PRKG1: variants seen among roughly 807,000 people sequenced by gnomAD.
PRKG1 encodes the protein cGMP-dependent protein kinase 1.
A neutral mutation model predicts 88.1 loss-of-function variants in PRKG1; 35 were observed. The observed-to-expected ratio is 0.40, with a 90% CI of 0.30 to 0.53. The LOEUF (loss-of-function observed/expected upper bound fraction) is 0.53. Ranked by LOEUF, PRKG1 falls within the 20% of genes least tolerant of loss-of-function variation. The pLI is 0.59. For synonymous variants in PRKG1, 303 were observed against 292.5 expected, an observed-to-expected ratio of 1.04 and a Z score of -0.37; for missense variants, 540 against 839.8, an observed-to-expected ratio of 0.64 and a Z score of 4.41.
chr10:52,048,315 T>G (rs1273519916), intron 5 of PRKG1, among the ~76,000 whole-genome samples: 1 of 152,152 alleles, frequency 6.6e-6, no homozygotes, highest in African/African-American at 2.4e-5. Context: ...GATGTAATCT[T>G]GGGCTGAAAT....
chr10:52,196,447 G>A (rs1839509951), intron 9 of PRKG1, among the ~76,000 whole-genome samples: 1 of 152,104 alleles, frequency 6.6e-6, no homozygotes, highest in Non-Finnish European at 1.5e-5. Context: ...ACACATGAGA[G>A]GAAAAGAATG....
intron 5 of PRKG1, among the ~76,000 whole-genome samples, chr10:51,953,916 T>C (rs779150546): frequency 1.2e-4 from 19 of 152,160 alleles, no homozygotes; most frequent in Non-Finnish European, 1.9e-4. Flanking sequence ...AATTGCCCCT[T>C]TTATCTTCTG....
At chr10:51,083,752 G>T (rs2131853731) in intron 1 of PRKG1, among the ~76,000 whole-genome samples, 1 of 152,166 alleles carries the variant, frequency 6.6e-6, no homozygotes, top group South Asian at 2.1e-4. Flanking sequence ...GACTTCCAGG[G>T]GAAATGAGAA....
intron 1 of PRKG1, among the ~76,000 whole-genome samples, chr10:51,118,535 T>C (rs1191355706): frequency 1.3e-5 from 2 of 152,186 alleles, no homozygotes; most frequent in Non-Finnish European, 2.9e-5. Flanking sequence ...ATAGTACTTT[T>C]ATCTGTGCCA....
rs71029366 is a variant in PRKG1 at position 51,381,256 on chromosome 10, T to TAAAAAAAAAA, written c.479-86432_479-86423dup. Among the ~76,000 whole-genome samples the TAAAAAAAAAA allele has an allele frequency of 4.1e-4, 13 of 32,058 alleles. 1 individual carries two copies. Among genetic ancestry groups the TAAAAAAAAAA allele is most frequent in the Admixed American group, 1.3e-3 (2 of 1,590 alleles). The allele number at this position is 32,058 out of a possible 152,430, so 21.0% of individuals were successfully genotyped here. ...TGGGCAACAGAGCAAGCCTCCATCT[T>TAAAAAAAAAA]AAAAAAAAAAAAAAAAAAAAAAAAA... On this transcript the variant is annotated intron_variant, in intron 2 of 17. Transcript: ENST00000373980.
chr10:51,885,010 A>G (rs1196807564), intron 4 of PRKG1, among the ~76,000 whole-genome samples: 1 of 152,230 alleles, frequency 6.6e-6, no homozygotes, highest in Non-Finnish European at 1.5e-5. Flanking sequence ...GCTATAAGGA[A>G]TAGACCCTTG....
chr10:52,259,121 C>CAA (rs57994383), intron 10 of PRKG1, among the ~76,000 whole-genome samples: 37 of 98,972 alleles, frequency 3.7e-4, no homozygotes, highest in South Asian at 9.4e-4. Flanking sequence ...TTAGACTTGC[C>CAA]AAAAAAAAAA....
At chr10:51,544,072 A>G (rs1362968816) in intron 3 of PRKG1, among the ~76,000 whole-genome samples, 1 of 152,052 alleles carries the variant, frequency 6.6e-6, no homozygotes, top group Non-Finnish European at 1.5e-5. Flanking sequence ...TTTAAATTAT[A>G]CTTTAAGTTC....
At chr10:51,674,584 C>T (rs1404795818) in intron 3 of PRKG1, among the ~76,000 whole-genome samples, 2 of 152,120 alleles carry the variant, frequency 1.3e-5, no homozygotes, top group Non-Finnish European at 2.9e-5. Flanking sequence ...TGGTGAATCA[C>T]AAGCAGTATT....
chr10:51,374,683 A>G (rs1346088935), intron 2 of PRKG1, among the ~76,000 whole-genome samples: 1 of 152,152 alleles, frequency 6.6e-6, no homozygotes, highest in Non-Finnish European at 1.5e-5. Context: ...CCCTCACCAG[A>G]CAATTGAACC....
At chr10:51,722,619 C>A (rs759383470) in intron 3 of PRKG1, among the ~76,000 whole-genome samples, 5 of 152,050 alleles carry the variant, frequency 3.3e-5, no homozygotes, top group Non-Finnish European at 2.9e-5. Flanking sequence ...AATATTTCAC[C>A]TCTATGGCAA....
intron 9 of PRKG1, chr10:52,185,041 T>G (rs1456024517): frequency 6.6e-6 from 1 of 152,206 alleles, no homozygotes; most frequent in Non-Finnish European, 1.5e-5. Context: ...CTAAATCTTA[T>G]GTCCTCACAT....
At chr10:51,792,985 C>T (rs944514524) in intron 3 of PRKG1, among the ~76,000 whole-genome samples, 8 of 151,630 alleles carry the variant, frequency 5.3e-5, no homozygotes, top group African/African-American at 1.9e-4. Context: ...CCAGACATTG[C>T]TGTATAACCA....
intron 5 of PRKG1, among the ~76,000 whole-genome samples, chr10:52,041,859 G>C (rs1418723075): frequency 2.0e-5 from 3 of 151,960 alleles, no homozygotes; most frequent in African/African-American, 7.2e-5. Flanking sequence ...TAAAATTTCA[G>C]TATACAAAAT....
At chr10:51,139,676 T>C (rs1845776566) in intron 1 of PRKG1, among the ~76,000 whole-genome samples, 1 of 152,192 alleles carries the variant, frequency 6.6e-6, no homozygotes, top group Non-Finnish European at 1.5e-5. Context: ...ACTTGCAAAA[T>C]ATACTTTCAA....
At chr10:51,515,823 G>A (rs1841564377) in intron 3 of PRKG1, among the ~76,000 whole-genome samples, 1 of 152,124 alleles carries the variant, frequency 6.6e-6, no homozygotes, top group Admixed American at 6.5e-5. Context: ...AGCAAATGAG[G>A]GCAGGAACCG....
intron 9 of PRKG1, among the ~76,000 whole-genome samples, chr10:52,164,992 T>A (rs912103724): frequency 1.3e-5 from 2 of 152,178 alleles, no homozygotes; most frequent in African/African-American, 4.8e-5. Flanking sequence ...TAAACCCAAA[T>A]GAATGTATAG....
intron 4 of PRKG1, among the ~76,000 whole-genome samples, chr10:51,837,734 T>G (rs994065966): frequency 6.6e-6 from 1 of 152,142 alleles, no homozygotes; most frequent in African/African-American, 2.4e-5. Context: ...CCCACTAGGA[T>G]GTAAATAGTT....
intron 17 of PRKG1, among the ~76,000 whole-genome samples, chr10:52,292,580 C>A (rs966414876): frequency 6.6e-5 from 10 of 151,548 alleles, no homozygotes; most frequent in African/African-American, 2.2e-4. Context: ...TGTAGATATG[C>A]GGCGTTATTT....
Sources: allele counts gnomAD v4.1 joint callset (sites outside exome capture counted in the v4.1 genomes callset), GRCh38; gene constraint gnomAD v4.1.1; transcripts MANE v1.5; gene names NCBI Gene and HGNC (gene_info 2026-07-23, HGNC 2026-07-21).